CR1: variants seen among roughly 807,000 people sequenced by gnomAD.
The protein encoded by CR1 is complement receptor type 1.
In CR1, 116 loss-of-function variants were observed where a neutral mutation model predicts 187.3. The observed-to-expected ratio is 0.62, with a 90% CI of 0.53 to 0.72. The LOEUF (loss-of-function observed/expected upper bound fraction) is 0.72. Among genes scored for constraint, CR1 ranks in the 30% least tolerant of loss-of-function variants. The probability of loss-of-function intolerance (pLI) is 0.00; values close to 1 mark genes in which losing one functional copy is unlikely to be tolerated. For missense variants in CR1, 1,731 were observed against 2,110.7 expected, an observed-to-expected ratio of 0.82 and a Z score of 3.52; for synonymous variants, 576 against 747.1, an observed-to-expected ratio of 0.77 and a Z score of 3.73.
chr1:207,505,435 A>G (rs1471646448), intron 1 of CR1, among the ~76,000 whole-genome samples: 2 of 152,182 alleles, frequency 1.3e-5, no homozygotes, highest in Non-Finnish European at 2.9e-5. Context: ...AAGTGCTGAA[A>G]TTACAGGCAT....
At chr1:207,634,365 A>G (rs1388457849) in intron 46 of CR1, among the ~76,000 whole-genome samples, 1 of 152,208 alleles carries the variant, frequency 6.6e-6, no homozygotes, top group Non-Finnish European at 1.5e-5. Context: ...TTTTGACCAC[A>G]GTGTTCCATG....
chr1:207,525,865 A>G (rs1660152149), intron 5 of CR1, among the ~76,000 whole-genome samples: 1 of 152,046 alleles, frequency 6.6e-6, no homozygotes, highest in Non-Finnish European at 1.5e-5. Context: ...AAACTCCCTA[A>G]AGAAGTCATT....
chr1:207,619,935 G>A lies in CR1; in HGVS notation c.7122G>A (p.Met2374Ile), dbSNP rs1402308192. ...ATGGAATCTCGAAGGAGTTAGAAAT[G>A]AAAAAAGTATATCACTATGGAGATT... The part of the protein sequence containing the change: ...FMNGISKELE[M>I]KKVYHYGDYV... The change falls in exon 43 of 47, where the codon ATG becomes ATA. Residue 2374 changes from methionine (M) to isoleucine (I), a missense_variant. By Grantham distance (10) the Met-to-Ile change is conservative. This residue lies in a region of CR1 where 1,312 missense variants were observed against 1,379.6 expected (regional missense o/e 0.95). Coordinates refer to ENST00000367049, the MANE Select transcript of CR1 (RefSeq NM_000651.6). 1 of 1,608,234 alleles carries A rather than the reference G, an allele frequency of 6.2e-7. No homozygotes were observed. Among genetic ancestry groups the A allele is most frequent in the Non-Finnish European group, 8.5e-7 (1 of 1,177,164 alleles).
At chr1:207,600,198 G>T (rs943820017) in intron 35 of CR1, among the ~76,000 whole-genome samples, 2 of 152,098 alleles carry the variant, frequency 1.3e-5, no homozygotes, top group African/African-American at 4.8e-5. Context: ...GACAATCTCC[G>T]GTTAGATGAA....
intron 27 of CR1, 32 bp from the exon 28 acceptor site, chr1:207,575,563 C>A (rs761915123): frequency 1.2e-6 from 2 of 1,611,694 alleles, no homozygotes; most frequent in Non-Finnish European, 1.7e-6. Flanking sequence ...GAGGTATGTA[C>A]AGGACAATGA....
intron 4 of CR1, among the ~76,000 whole-genome samples, chr1:207,515,472 T>C (rs1443184555): frequency 1.3e-5 from 2 of 151,922 alleles, no homozygotes; most frequent in Non-Finnish European, 1.5e-5. Context: ...CCAGTTATCT[T>C]CCCAAAGAAA....
rs768997678 is a variant in CR1 at position 207,577,867 on chromosome 1, A to T, written c.4600A>T (p.Asn1534Tyr). ...AGATTTCATTAGCACCAACAGAGAG[A>T]ATTTTCACTATGGATCAGTGGTGAC... ...NGDFISTNRENFHYGSVVTYR... is the reference protein window; with the variant it reads ...NGDFISTNREYFHYGSVVTYR... The change falls in exon 29 of 47, where the codon AAT becomes TAT. Residue 1534 changes from asparagine to tyrosine, a missense_variant. This residue lies in a region of CR1 where 1,312 missense variants were observed against 1,379.6 expected (regional missense o/e 0.95). Coordinates refer to ENST00000367049, the MANE Select transcript of CR1 (RefSeq NM_000651.6). The T allele has an allele frequency of 2.5e-6, 4 of 1,613,770 alleles. No individual in the cohort carries two copies. The South Asian group carries it at 4.4e-5, about 18-fold the overall frequency.
rs888581011 is a variant in CR1 at position 207,505,827 on chromosome 1, C to A, written c.122-77C>A. On this transcript the variant is annotated intron_variant, in intron 1 of 46. Coordinates refer to ENST00000367049, the MANE Select transcript of CR1 (RefSeq NM_000651.6). Reference sequence around the variant, plus strand: ...CTCCAGCCTGGGTGATGGAGCCAGTCTCCGTCTCAAAAAAGAAAAAAAAAA... The same window carrying A: ...CTCCAGCCTGGGTGATGGAGCCAGTATCCGTCTCAAAAAAGAAAAAAAAAA... The A allele has an allele frequency of 8.7e-6, 13 of 1,497,400 alleles. No homozygotes were observed. The African/African-American group carries it at 1.4e-4, about 16-fold the overall frequency. The allele number at this position is 1,497,400 out of a possible 1,614,324, so 92.8% of individuals were successfully genotyped here.
intron 1 of CR1, among the ~76,000 whole-genome samples, chr1:207,503,508 G>A (rs1659337346): frequency 2.0e-5 from 3 of 152,032 alleles, no homozygotes; most frequent in Admixed American, 2.0e-4. Context: ...CAGCTTCCAG[G>A]GGCTGCTTCC....
At position 207,620,038 on chromosome 1, in the gene CR1, G is replaced by T. The variant is rs779712942; in HGVS notation, c.7225G>T (p.Asp2409Tyr). Residue 2409 changes from aspartate (D) to tyrosine (Y), a missense_variant, in exon 43 of 47, where the codon GAC (aspartate) becomes TAC (tyrosine). Physicochemically the swap from Asp to Tyr is radical, Grantham distance 160. This residue lies in a region of CR1 where 1,312 missense variants were observed against 1,379.6 expected (regional missense o/e 0.95). Coordinates refer to ENST00000367049, the MANE Select transcript of CR1 (RefSeq NM_000651.6). ...CCAGTGCCAGGCGGATGACAGATGG[G>T]ACCCTCCTCTGGCCAAATGTACCTC... ...WSQCQADDRWDPPLAKCTSRT... is the reference protein window; with the variant it reads ...WSQCQADDRWYPPLAKCTSRT... The T allele has an allele frequency of 1.1e-5, 17 of 1,612,382 alleles. No homozygotes were observed. The highest frequency in any genetic ancestry group is 1.4e-5 in the Non-Finnish European group (17 of 1,179,568).
At chr1:207,517,288 G>T (rs1456287573) in intron 4 of CR1, among the ~76,000 whole-genome samples, 1 of 152,068 alleles carries the variant, frequency 6.6e-6, no homozygotes, top group African/African-American at 2.4e-5. Flanking sequence ...ATGCGTGTGT[G>T]TGTGTGCAGG....
Position 207,619,970 on chromosome 1 carries a change from T to C in CR1, c.7157T>C (p.Leu2386Ser). The C allele has an allele frequency of 6.2e-7, 1 of 1,613,570 alleles. No homozygotes were observed. Among genetic ancestry groups the C allele is most frequent in the Non-Finnish European group, 8.5e-7 (1 of 1,179,728 alleles). The change falls in exon 43 of 47, where the codon TTG becomes TCG. Residue 2386 changes from leucine to serine, a missense_variant. Physicochemically the swap from Leu to Ser is moderately radical, Grantham distance 145. Transcript: ENST00000367049. ...KVYHYGDYVT[L>S]KCEDGYTLEG... The stretch of plus-strand genomic sequence containing the variant: ...TATCACTATGGAGATTATGTGACTT[T>C]GAAGTGTGAAGATGGGTATACTCTG...
intron 24 of CR1, among the ~76,000 whole-genome samples, chr1:207,567,265 GT>G (rs199637674): frequency 0.024 from 3,257 of 138,050 alleles, 323 homozygotes; most frequent in African/African-American, 0.073. Flanking sequence ...TCCATTTGGA[GT>G]TTTTTTTTTT....
rs781003292 is a variant in CR1 at position 207,616,593 on chromosome 1, C to T, written c.6680C>T (p.Pro2227Leu). 3.3e-5 allele frequency: 54 copies of T among 1,613,624 alleles called. No individual in the cohort carries two copies. Among genetic ancestry groups the T allele is most frequent in the Non-Finnish European group, 4.2e-5 (50 of 1,179,664 alleles). The change falls in exon 41 of 47, where the codon CCT becomes CTT. Residue 2227 changes from proline to leucine, a missense_variant. Pro to Leu is a moderately conservative substitution (Grantham distance 98). Transcript: ENST00000367049. ...PVCEQIFCPNPPAILNGRHTG... is the reference protein window; with the variant it reads ...PVCEQIFCPNLPAILNGRHTG... The stretch of plus-strand genomic sequence containing the variant: ...TTTCTAGAAATCTTTTGTCCAAATC[C>T]TCCAGCTATCCTTAATGGGAGACAC...
rs201017229 is a variant in CR1 at position 207,609,670 on chromosome 1, C to G, written c.6277C>G (p.Leu2093Val). 6.3e-7 allele frequency: 1 copy of G among 1,587,660 alleles called. No homozygotes were observed. Among genetic ancestry groups the G allele is most frequent in the Non-Finnish European group, 8.6e-7 (1 of 1,167,448 alleles). ...CQTNGRWGPK[L>V]PHCSRVCQPP... ...GACCAATGGCAGATGGGGGCCCAAGCTGCCACACTGCTCCAGGGGTGAGTG... is the reference window on the plus strand; with the variant it reads ...GACCAATGGCAGATGGGGGCCCAAGGTGCCACACTGCTCCAGGGGTGAGTG... Residue 2093 changes from leucine (L) to valine (V), a missense_variant, in exon 37 of 47, where the codon CTG becomes GTG. Physicochemically the swap from Leu to Val is conservative, Grantham distance 32 (BLOSUM62 1). Transcript: ENST00000367049.
At chr1:207,515,868 T>A (rs2102295903) in intron 4 of CR1, among the ~76,000 whole-genome samples, 1 of 152,278 alleles carries the variant, frequency 6.6e-6, no homozygotes, top group Admixed American at 6.5e-5. Context: ...TACATTTTAA[T>A]AATATTCAAT....
intron 2 of CR1, 93 bp from the exon 3 acceptor site, chr1:207,506,621 C>T (rs1659441491): frequency 3.0e-6 from 3 of 1,009,320 alleles, no homozygotes; most frequent in Non-Finnish European, 4.6e-6. Context: ...GCGTGTGTTC[C>T]TCAGTAAGCT....
intron 1 of CR1, among the ~76,000 whole-genome samples, chr1:207,500,247 A>C (rs993820143): frequency 6.6e-6 from 1 of 152,186 alleles, no homozygotes; most frequent in Non-Finnish European, 1.5e-5. Flanking sequence ...TCTGTGTTAC[A>C]TTTCAAAAAT....
intron 35 of CR1, among the ~76,000 whole-genome samples, chr1:207,589,003 G>C (rs1361005376): frequency 6.6e-6 from 1 of 152,224 alleles, no homozygotes; most frequent in East Asian, 1.9e-4. Context: ...ACATGTTCCT[G>C]TCAAAGGTGG....
Sources: gnomAD v4.1 joint callset for allele counts (sites outside exome capture counted in the v4.1 genomes callset) on GRCh38, gnomAD v4.1.1 for gene constraint, gnomAD v4.1.1 regional missense constraint, MANE v1.5 for transcripts, NCBI Gene and HGNC (gene_info 2026-07-23, HGNC 2026-07-21) for gene names.